Variants in LRTM1 observed in about 807,000 individuals in gnomAD.
LRTM1 encodes the protein leucine-rich repeat and transmembrane domain-containing protein 1.
In LRTM1, 38 loss-of-function variants were observed where a neutral mutation model predicts 32.4. The ratio of observed to expected loss-of-function variants is 1.17; its 90% confidence interval spans 0.91 to 1.54. LRTM1 has a LOEUF of 1.54. LRTM1 is among the 40% of genes most tolerant of loss of function. The pLI is 0.00. For missense variants in LRTM1, 466 were observed against 415.4 expected (o/e 1.12, Z -1.06); for synonymous variants, 186 against 169.9 (o/e 1.09, Z -0.74).
intron 1 of LRTM1, among the ~76,000 whole-genome samples, chr3:54,926,787 AT>A (rs570371884): frequency 9.7e-4 from 147 of 152,128 alleles, no homozygotes; most frequent in Non-Finnish European, 1.3e-3. Flanking sequence ...TTTTTTCTTC[AT>A]TCTAAATGAT....
At chr3:54,940,292 A>G (rs1288719504) in intron 1 of LRTM1, among the ~76,000 whole-genome samples, 1 of 152,246 alleles carries the variant, frequency 6.6e-6, no homozygotes, top group African/African-American at 2.4e-5. Flanking sequence ...TTTTTGAGTC[A>G]AGTAATTCTG....
At chr3:54,935,784 A>G (rs1202725046) in intron 1 of LRTM1, among the ~76,000 whole-genome samples, 1 of 152,242 alleles carries the variant, frequency 6.6e-6, no homozygotes, top group African/African-American at 2.4e-5. Flanking sequence ...ATGAAGCAAT[A>G]ACAAGTCTGT....
At position 54,918,692 on chromosome 3, in the gene LRTM1, A is replaced by G; in HGVS notation, c.805T>C (p.Leu269=). Residue 269 remains leucine (L), a synonymous_variant, in exon 3 of 3, where the codon TTG becomes CTG. Coordinates refer to ENST00000273286, the MANE Select transcript of LRTM1 (RefSeq NM_020678.4). ...GGCTTGGGTTTGAGCTCGCACTCCA[A>G]GAGTTCTCGCTCCCCCGCGTTGTGG... ...ENHNAGEREL[L]ECELKPKPRP... is the part of the protein sequence containing the mutation. 6.2e-7 allele frequency: 1 copy of G among 1,614,144 alleles called. No individual in the cohort carries two copies. The highest frequency in any genetic ancestry group is 8.5e-7 in the Non-Finnish European group (1 of 1,180,028).
In LRTM1 at chr3:54,918,461, A is replaced by G; in HGVS notation, c.1036T>C (p.Ter346ArgextTer19). The G allele has an allele frequency of 6.2e-7, 1 of 1,611,296 alleles. No individual in the cohort carries two copies. Among genetic ancestry groups the G allele is most frequent in the Non-Finnish European group, 8.5e-7 (1 of 1,179,080 alleles). ...EKERFDSSPA[*>R] is the part of the protein sequence containing the mutation. ...AATCCTATTTGAGACAAAAGCTCTC[A>G]GGCTGGTGAGCTGTCAAATCGCTCT... Residue 346 changes from the stop codon to arginine, a stop_lost, in exon 3 of 3, where the codon TGA becomes CGA. Transcript: ENST00000273286.
At chr3:54,928,445 G>A (rs1270570173), upstream of LRTM1, among the ~76,000 whole-genome samples, 1 of 152,130 alleles carries the variant, frequency 6.6e-6, no homozygotes, top group African/African-American at 2.4e-5. Flanking sequence ...TCACCTGGGG[G>A]TCGAGCAGCA....
chr3:54,957,971 A>G (rs1457867323), intron 1 of LRTM1, among the ~76,000 whole-genome samples: 1 of 152,224 alleles, frequency 6.6e-6, no homozygotes, highest in Non-Finnish European at 1.5e-5. Context: ...TGGCAGAGGT[A>G]GATGTCTGGA....
At chr3:54,943,614 A>C (rs189119568) in intron 1 of LRTM1, among the ~76,000 whole-genome samples, 12 of 151,924 alleles carry the variant, frequency 7.9e-5, no homozygotes, top group Non-Finnish European at 1.8e-4. Context: ...TGGTCTTCTT[A>C]TTGCTTGGTT....
At position 54,938,707 on chromosome 3, in the gene LRTM1, A is replaced by G. The variant is rs541778661; in HGVS notation, c.-221-13492T>C. On this transcript the variant is annotated intron_variant, in intron 1 of 2. Coordinates refer to the LRTM1 transcript ENST00000493075. Reference sequence around the variant, plus strand: ...TGGTAATTTTTCTACAGTGATAAAAATAAATTTTTATTTTTAAAAACGTCT... The same window carrying G: ...TGGTAATTTTTCTACAGTGATAAAAGTAAATTTTTATTTTTAAAAACGTCT... Among the ~76,000 whole-genome samples the G allele has an allele frequency of 2.0e-5, 3 of 152,196 alleles. No homozygotes were observed. The East Asian group carries it at 5.8e-4, about 30-fold the overall frequency.
chr3:54,926,715 A>T (rs1311200349), intron 1 of LRTM1, among the ~76,000 whole-genome samples: 1 of 152,204 alleles, frequency 6.6e-6, no homozygotes, highest in Non-Finnish European at 1.5e-5. Flanking sequence ...TGGTGAGAGC[A>T]TGCCACATTT....
chr3:54,920,830 C>T (rs1393346902), intron 2 of LRTM1, among the ~76,000 whole-genome samples: 1 of 152,128 alleles, frequency 6.6e-6, no homozygotes, highest in African/African-American at 2.4e-5. Context: ...GGTGGTTTAC[C>T]CAATCACCCC....
intron 1 of LRTM1, among the ~76,000 whole-genome samples, chr3:54,946,313 C>T (rs149148458): frequency 6.6e-6 from 1 of 152,318 alleles, no homozygotes; most frequent in Non-Finnish European, 1.5e-5. Flanking sequence ...CCATCCTGTA[C>T]ATGTCTTCAG....
chr3:54,941,844 C>G (rs1052550820), intron 1 of LRTM1, among the ~76,000 whole-genome samples: 1 of 152,130 alleles, frequency 6.6e-6, no homozygotes, highest in East Asian at 1.9e-4. Flanking sequence ...TTGGCCTCCT[C>G]CCTGCCACAC....
At chr3:54,955,453 GGAAAAAA>G (rs944730128) in intron 1 of LRTM1, among the ~76,000 whole-genome samples, 13 of 151,432 alleles carry the variant, frequency 8.6e-5, no homozygotes, top group South Asian at 4.2e-4. Flanking sequence ...CATTTCTTTT[GGAAAAAA>G]GAAAAAAGAA....
chr3:54,951,084 A>T (rs1314534083), intron 1 of LRTM1, among the ~76,000 whole-genome samples: 1 of 152,238 alleles, frequency 6.6e-6, no homozygotes, highest in Admixed American at 6.5e-5. Context: ...TGCCAAAAAA[A>T]TCTACAGAAC....
intron 2 of LRTM1, among the ~76,000 whole-genome samples, chr3:54,921,626 A>G (rs1700853392): frequency 6.6e-6 from 1 of 152,110 alleles, no homozygotes; most frequent in African/African-American, 2.4e-5. Flanking sequence ...AATTGAATTA[A>G]TTAATGCCAC....
At position 54,924,783 on chromosome 3, in the gene LRTM1, TTCTCCCAAGTC is replaced by T. The variant is rs751826795; in HGVS notation, c.429_439del (p.Thr144ProfsTer15). On this transcript the variant is annotated frameshift_variant, in exon 2 of 3. Coordinates refer to ENST00000273286, the MANE Select transcript of LRTM1 (RefSeq NM_020678.4). LOFTEE classifies it high-confidence loss of function. ...TTGTTGAACCGCAAGTATAGTTAGG[TTCTCCCAAGTC>T]TCTCCCAAGGATGTGGGAAGGTGGC... 4.3e-6 allele frequency: 7 copies of T among 1,613,966 alleles called. No homozygotes were observed. The highest frequency in any genetic ancestry group is 2.7e-5 in the African/African-American group (2 of 74,892).
intron 1 of LRTM1, among the ~76,000 whole-genome samples, chr3:54,933,074 TTCCTTCCTTCCTTCCTTCC>T: frequency 1.1e-5 from 1 of 88,504 alleles, no homozygotes; most frequent in African/African-American, 4.8e-5. Context: ...CCTTCCTTCC[TTCCTTCCTTCCTTCCTTCC>T]TTCCTTCCTT....
At position 54,925,052 on chromosome 3, in the gene LRTM1, T is replaced by C; in HGVS notation, c.171A>G (p.Leu57=). ...HLPPQTRTLH[L]QDNQIHHLPA... ...GAAGATGGTGTATCTGATTATCTTG[T>C]AAATGCAGCGTTCGAGTCTGAGGAG... The change falls in exon 2 of 3, where the codon TTA becomes TTG. Residue 57 remains leucine (L), a synonymous_variant. Coordinates refer to ENST00000273286, the MANE Select transcript of LRTM1 (RefSeq NM_020678.4). 6.2e-7 allele frequency: 1 copy of C among 1,614,110 alleles called. No homozygotes were observed.
intron 1 of LRTM1, among the ~76,000 whole-genome samples, chr3:54,948,407 T>C (rs1019111936): frequency 6.6e-6 from 1 of 152,244 alleles, no homozygotes; most frequent in Non-Finnish European, 1.5e-5. Context: ...AGGCCCTTCA[T>C]GGGCATATAT....
Sources: allele counts gnomAD v4.1 joint callset (sites outside exome capture counted in the v4.1 genomes callset), GRCh38; gene constraint gnomAD v4.1.1; transcripts MANE v1.5; gene names NCBI Gene and HGNC (gene_info 2026-07-23, HGNC 2026-07-21).